MAP4K5: variants seen among roughly 807,000 people sequenced by gnomAD.
MAP4K5 encodes the protein MAPK/ERK kinase kinase kinase 5.
Under a neutral mutation model 135.6 loss-of-function variants are expected in MAP4K5, and 82 were observed. The observed-to-expected ratio is 0.60, with a 90% confidence interval of 0.51 to 0.73. The LOEUF (loss-of-function observed/expected upper bound fraction) is 0.73, where lower values mean the gene tolerates loss of function less well. Among genes scored for constraint, MAP4K5 ranks in the 30% least tolerant of loss-of-function variants. The pLI, the probability that MAP4K5 is intolerant of heterozygous loss-of-function variation, is 0.00. For missense variants in MAP4K5, 907 were observed against 1,010.9 expected, an observed-to-expected ratio of 0.90 and a Z score of 1.39; for synonymous variants, 347 against 335.0, an observed-to-expected ratio of 1.04 and a Z score of -0.39.
Position 50,532,555 on chromosome 14 carries a change from G to GGCGGAGGCGCGTACAGTCGCC in MAP4K5, c.-218_-217insGGCGACTGTACGCGCCTCCGC, listed in dbSNP as rs2038424897. ...CTGCACGGCGCGTCCTCTCGGGGGC[G>GGCGGAGGCGCGTACAGTCGCC]GCGGAGGCGCGTACAGTCGCCGCCG... On this transcript the variant is annotated 5_prime_UTR_variant, in exon 1 of 33. Transcript: ENST00000682126. 6.6e-6 allele frequency: 1 copy of GGCGGAGGCGCGTACAGTCGCC among 151,128 alleles called. No individual in the cohort carries two copies. Among genetic ancestry groups the GGCGGAGGCGCGTACAGTCGCC allele is most frequent in the Non-Finnish European group, 1.5e-5 (1 of 67,800 alleles). The allele number at this position is 151,128 out of a possible 1,614,324, so 9.4% of individuals were successfully genotyped here. A position where few individuals can be genotyped will look rare whatever the true frequency, so the allele number is the denominator to read the frequency against.
At chr14:50,494,122 C>T (rs2037544100) in intron 3 of MAP4K5, among the ~76,000 whole-genome samples, 1 of 151,878 alleles carries the variant, frequency 6.6e-6, no homozygotes, top group African/African-American at 2.4e-5. Context: ...AGTGGAAAGA[C>T]ATCCCATGCT....
intron 14 of MAP4K5, among the ~76,000 whole-genome samples, chr14:50,452,634 C>G (rs1374046563): frequency 6.6e-6 from 1 of 152,176 alleles, no homozygotes; most frequent in East Asian, 1.9e-4. Context: ...AAACTGCCCT[C>G]TAAACTCAAT....
chr14:50,548,487 G>A (rs1005687683), intron 1 of MAP4K5, among the ~76,000 whole-genome samples: 2 of 152,144 alleles, frequency 1.3e-5, no homozygotes, highest in African/African-American at 4.8e-5. Context: ...AATGGGAATG[G>A]TAACTGTAGG....
At chr14:50,517,484 G>A (rs1434167671) in intron 2 of MAP4K5, among the ~76,000 whole-genome samples, 2 of 151,476 alleles carry the variant, frequency 1.3e-5, no homozygotes, top group African/African-American at 2.4e-5. Flanking sequence ...AATAAATGTT[G>A]AGGCTGGGCA....
At chr14:50,421,238 G>A (rs996033666) in intron 32 of MAP4K5, among the ~76,000 whole-genome samples, 2 of 151,800 alleles carry the variant, frequency 1.3e-5, no homozygotes, top group African/African-American at 4.8e-5. Context: ...CTATACTTAA[G>A]CAACAAAATA....
At chr14:50,432,593 C>CAAACAT (rs1250387389) in intron 28 of MAP4K5, among the ~76,000 whole-genome samples, 12 of 147,442 alleles carry the variant, frequency 8.1e-5, no homozygotes, top group East Asian at 3.9e-4. Context: ...AACGCAAACT[C>CAAACAT]AAACATACCC....
At chr14:50,509,483 T>C (rs1272948884) in intron 2 of MAP4K5, among the ~76,000 whole-genome samples, 1 of 152,208 alleles carries the variant, frequency 6.6e-6, no homozygotes, top group African/African-American at 2.4e-5. Flanking sequence ...TCTTTCACAT[T>C]AAATTTCTCC....
chr14:50,456,368 A>G, intron 14 of MAP4K5, 148 bp downstream of exon 14: 1 of 633,050 alleles, frequency 1.6e-6, no homozygotes. Context: ...TTCCATCGAA[A>G]CCAGAAAAGC....
chr14:50,479,264 T>C (rs1011041657), intron 6 of MAP4K5, among the ~76,000 whole-genome samples: 3 of 151,882 alleles, frequency 2.0e-5, no homozygotes, highest in Non-Finnish European at 4.4e-5. Flanking sequence ...ATTAGGCCAC[T>C]TGAAATTGTC....
intron 1 of MAP4K5, among the ~76,000 whole-genome samples, chr14:50,556,593 C>T (rs1483805322): frequency 6.6e-6 from 1 of 152,076 alleles, no homozygotes; most frequent in African/African-American, 2.4e-5. Context: ...TTTTCATTGC[C>T]CCCAAAAGAA....
chr14:50,510,619 T>C (rs1014969320), intron 2 of MAP4K5, among the ~76,000 whole-genome samples: 1 of 152,196 alleles, frequency 6.6e-6, no homozygotes, highest in Admixed American at 6.5e-5. Flanking sequence ...TTATTTTAAA[T>C]AGTCTTACTT....
chr14:50,552,945 G>T (rs1404083324), intron 1 of MAP4K5, among the ~76,000 whole-genome samples: 3 of 152,100 alleles, frequency 2.0e-5, no homozygotes, highest in Non-Finnish European at 2.9e-5. Context: ...ATAGACATGG[G>T]CTTAGGCAAA....
intron 3 of MAP4K5, among the ~76,000 whole-genome samples, chr14:50,490,711 T>G (rs2037465645): frequency 6.6e-6 from 1 of 152,188 alleles, no homozygotes; most frequent in Non-Finnish European, 1.5e-5. Flanking sequence ...ACAGCCTTAG[T>G]ATCTGGGGTC....
chr14:50,483,613 ACTT>A (rs201576785), intron 5 of MAP4K5, among the ~76,000 whole-genome samples: 1,545 of 151,678 alleles, frequency 0.01, 11 homozygotes, highest in Non-Finnish European at 0.016. Context: ...CGGGATGGGT[ACTT>A]CTTAGGTTCA....
chr14:50,556,631 C>A (rs1195219624), intron 1 of MAP4K5, among the ~76,000 whole-genome samples: 1 of 152,166 alleles, frequency 6.6e-6, no homozygotes, highest in Non-Finnish European at 1.5e-5. Flanking sequence ...AGTCACTCTC[C>A]AATTTCTCCC....
intron 6 of MAP4K5, among the ~76,000 whole-genome samples, chr14:50,480,026 G>A (rs1313720398): frequency 6.6e-6 from 1 of 152,022 alleles, no homozygotes; most frequent in Non-Finnish European, 1.5e-5. Context: ...TACTTTATTT[G>A]ATTGTTTTGG....
chr14:50,561,095 G>A (rs905583549), exon 1 of MAP4K5: 3 of 152,484 alleles, frequency 2.0e-5, no homozygotes, highest in Admixed American at 1.3e-4. Flanking sequence ...GGGGAAAGGA[G>A]AGGCGAGACC....
chr14:50,425,337 G>A (rs1161099090), intron 31 of MAP4K5, among the ~76,000 whole-genome samples: 1 of 152,162 alleles, frequency 6.6e-6, no homozygotes, highest in Non-Finnish European at 1.5e-5. Context: ...CTCTGTAGCT[G>A]TAAAAATGGC....
Position 50,440,240 on chromosome 14 carries a change from A to T in MAP4K5, c.1644+122T>A, listed in dbSNP as rs2139695133. ...ATGAACATGCAAAGAGTACAATTTT[A>T]TCCCTTTAAATATTTAAATCATAAA... On this transcript the variant is annotated intron_variant, in intron 22 of 32. Transcript: ENST00000682126. The T allele has an allele frequency of 7.6e-6, 6 of 793,008 alleles. No homozygotes were observed. The South Asian group carries it at 1.3e-4, about 17-fold the overall frequency. The allele number at this position is 793,008 out of a possible 1,614,324, so 49.1% of individuals were successfully genotyped here. A position where few individuals can be genotyped will look rare whatever the true frequency, so the allele number is the denominator to read the frequency against.
Sources: allele counts gnomAD v4.1 joint callset (sites outside exome capture counted in the v4.1 genomes callset), GRCh38; gene constraint gnomAD v4.1.1; transcripts MANE v1.5; gene names NCBI Gene and HGNC (gene_info 2026-07-23, HGNC 2026-07-21).